Variants in NUAK1 observed in about 807,000 individuals in gnomAD.
NUAK1 encodes NUAK family kinase 1, also known as NUAK family SNF1-like kinase 1.
A neutral mutation model predicts 56.9 loss-of-function variants in NUAK1; 26 were observed. That is an observed-to-expected ratio of 0.46 (90% CI 0.33 to 0.63). The LOEUF (loss-of-function observed/expected upper bound fraction) is 0.63. NUAK1 is among the 30% of genes least tolerant of loss of function. The pLI is 0.02. For missense variants in NUAK1, 727 were observed against 876.1 expected (o/e 0.83, Z 2.15); for synonymous variants, 337 against 336.0 (o/e 1.00, Z -0.03).
intron 1 of NUAK1, among the ~76,000 whole-genome samples, chr12:106,114,344 C>A (rs951791936): frequency 6.6e-6 from 1 of 152,206 alleles, no homozygotes; most frequent in African/African-American, 2.4e-5. Flanking sequence ...CCAGCCAAGG[C>A]GACTCCTATA....
chr12:106,133,999 G>C lies in NUAK1; in HGVS notation c.240+4415C>G, dbSNP rs547295524. ...CAAGTACATTTCACCTTTGCTACTA[G>C]ATTATAAGTTCTTTAAGAGTGAGGC... On this transcript the variant is annotated intron_variant, in intron 1 of 6. Coordinates refer to ENST00000261402, the MANE Select transcript of NUAK1 (RefSeq NM_014840.3). Among the ~76,000 whole-genome samples, 332 of 152,300 alleles carry C rather than the reference G, an allele frequency of 2.2e-3. 2 individuals carry two copies. Among genetic ancestry groups the C allele is most frequent in the Middle Eastern group, 0.017 (5 of 294 alleles).
At chr12:106,116,626 G>A (rs1300007694) in intron 1 of NUAK1, among the ~76,000 whole-genome samples, 3 of 152,194 alleles carry the variant, frequency 2.0e-5, no homozygotes, top group East Asian at 3.9e-4. Context: ...GTCTCCATAC[G>A]CTGAAAGACC....
chr12:106,096,475 C>T (rs567481011), intron 2 of NUAK1, among the ~76,000 whole-genome samples: 22 of 152,158 alleles, frequency 1.4e-4, no homozygotes, highest in Non-Finnish European at 3.1e-4. Context: ...TGCTGTGTTA[C>T]GAATAAGGGC....
intron 2 of NUAK1, among the ~76,000 whole-genome samples, chr12:106,090,599 G>A (rs1386850364): frequency 6.6e-6 from 1 of 152,158 alleles, no homozygotes; most frequent in African/African-American, 2.4e-5. Context: ...GGGCCCAGCA[G>A]TCTGACTGCT....
At chr12:106,080,992 G>A (rs1438793948) in intron 4 of NUAK1, among the ~76,000 whole-genome samples, 1 of 152,240 alleles carries the variant, frequency 6.6e-6, no homozygotes, top group East Asian at 1.9e-4. Context: ...GAAGAGTTGA[G>A]AATATACCAC....
chr12:106,066,900 T>C lies in NUAK1; in HGVS notation c.1888A>G (p.Asn630Asp). Reference protein sequence around the residue: ...PRPQYLKRYRNRLADSSFSLL... With the variant: ...PRPQYLKRYRDRLADSSFSLL... Reference sequence around the variant, plus strand: ...GAGAAGCTGCTGTCTGCCAGCCGGTTCCGGTACCGCTTCAGGTACTGGGGC... The same window carrying C: ...GAGAAGCTGCTGTCTGCCAGCCGGTCCCGGTACCGCTTCAGGTACTGGGGC... The change falls in exon 7 of 7, where the codon AAC becomes GAC. Residue 630 changes from asparagine (N) to aspartate (D), a missense_variant. Physicochemically the swap from Asn to Asp is conservative, Grantham distance 23 (BLOSUM62 1). Transcript: ENST00000261402. 6.2e-7 allele frequency: 1 copy of C among 1,614,244 alleles called. No homozygotes were observed. The highest frequency in any genetic ancestry group is 1.1e-5 in the South Asian group (1 of 91,090).
At chr12:106,119,987 A>G (rs1565927198) in intron 1 of NUAK1, among the ~76,000 whole-genome samples, 1 of 151,772 alleles carries the variant, frequency 6.6e-6, no homozygotes, top group African/African-American at 2.4e-5. Context: ...TCTGGAAAAA[A>G]ATATATTTAG....
intron 2 of NUAK1, among the ~76,000 whole-genome samples, chr12:106,102,605 AC>A (rs1467770437): frequency 1.3e-5 from 2 of 152,116 alleles, no homozygotes; most frequent in African/African-American, 4.8e-5. Context: ...TTGTCAATGG[AC>A]CCCACGTTAT....
intron 1 of NUAK1, among the ~76,000 whole-genome samples, chr12:106,123,634 G>T (rs762196981): frequency 2.6e-5 from 4 of 152,080 alleles, no homozygotes; most frequent in Non-Finnish European, 5.9e-5. Context: ...ATGTTCTCTG[G>T]CTCTGGGAAT....
rs201301314 is a variant in NUAK1, at chr12:106,064,787, A to ACCCCCCCCCCCCCC, written c.*2014_*2015insGGGGGGGGGGGGGG. 9.3e-6 allele frequency: 1 copy of ACCCCCCCCCCCCCC among 107,956 alleles called. No individual in the cohort carries two copies. The highest frequency in any genetic ancestry group is 2.1e-5 in the Non-Finnish European group (1 of 47,708). 6.7% of individuals were successfully genotyped at this position (107,956 alleles called of 1,614,324 possible). A position where few individuals can be genotyped will look rare whatever the true frequency, so the allele number is the denominator to read the frequency against. On this transcript the variant is annotated 3_prime_UTR_variant, in exon 7 of 7. Transcript: ENST00000261402. The stretch of plus-strand genomic sequence containing the variant: ...TGCAGGTTGTCCTCCATGCACCCAC[A>ACCCCCCCCCCCCCC]CCCCCACCCCCCCCCACACACACAA...
intron 4 of NUAK1, among the ~76,000 whole-genome samples, chr12:106,076,416 G>T (rs1482915208): frequency 2.6e-5 from 4 of 152,160 alleles, no homozygotes. Context: ...ACACTAGCAG[G>T]CAAGCTTTGG....
At chr12:106,072,532 G>A (rs977270314) in intron 5 of NUAK1, among the ~76,000 whole-genome samples, 192 bp downstream of exon 5, 2 of 152,122 alleles carry the variant, frequency 1.3e-5, no homozygotes, top group Non-Finnish European at 2.9e-5. Context: ...TTCTCCTTTA[G>A]GCTTTTCTGG....
intron 4 of NUAK1, among the ~76,000 whole-genome samples, chr12:106,078,642 T>C (rs1592849769): frequency 6.6e-6 from 1 of 151,480 alleles, no homozygotes; most frequent in Non-Finnish European, 1.5e-5. Context: ...AGGCAGGGAG[T>C]GGAACAAGGA....
intron 1 of NUAK1, among the ~76,000 whole-genome samples, chr12:106,131,384 G>A (rs182866271): frequency 6.6e-6 from 1 of 152,120 alleles, no homozygotes; most frequent in East Asian, 1.9e-4. Flanking sequence ...ACTCATCTAC[G>A]CTGTCTCTAT....
At chr12:106,097,381 C>T (rs550207055) in intron 2 of NUAK1, among the ~76,000 whole-genome samples, 13 of 152,184 alleles carry the variant, frequency 8.5e-5, no homozygotes, top group Non-Finnish European at 1.8e-4. Context: ...AGAATAGTAC[C>T]TGGAACAAAA....
rs192777268 is a variant in NUAK1, at chr12:106,077,440, G to A, written c.580-4597C>T. On this transcript the variant is annotated intron_variant, in intron 4 of 6. Transcript: ENST00000261402. ...TGATGGTTTGGCCGACTTAACAATC[G>A]TTTGTTAGACCAGGCAAACAGGGAA... Among the ~76,000 whole-genome samples the A allele has an allele frequency of 5.9e-5, 9 of 152,298 alleles. No individual in the cohort carries two copies. The East Asian group carries it at 7.7e-4, about 13-fold the overall frequency.
intron 1 of NUAK1, among the ~76,000 whole-genome samples, chr12:106,130,125 G>T (rs1175005998): frequency 2.6e-5 from 4 of 152,242 alleles, no homozygotes; most frequent in East Asian, 1.9e-4. Flanking sequence ...GGGATTACAG[G>T]CATGCGCCAC....
At chr12:106,074,427 A>G (rs561480119) in intron 4 of NUAK1, among the ~76,000 whole-genome samples, 2 of 152,274 alleles carry the variant, frequency 1.3e-5, no homozygotes, top group East Asian at 1.9e-4. Context: ...TTTACCACAC[A>G]TTTTTTGAAA....
intron 2 of NUAK1, among the ~76,000 whole-genome samples, chr12:106,090,727 C>T (rs114712332): frequency 3.9e-4 from 59 of 152,256 alleles, no homozygotes; most frequent in African/African-American, 1.3e-3. Flanking sequence ...GCCCTCAGCA[C>T]GGTGCCCCGG....
Sources: allele counts gnomAD v4.1 joint callset (sites outside exome capture counted in the v4.1 genomes callset), GRCh38; gene constraint gnomAD v4.1.1; transcripts MANE v1.5; gene names NCBI Gene and HGNC (gene_info 2026-07-23, HGNC 2026-07-21).